HES5: variants seen among roughly 807,000 people sequenced by gnomAD.
HES5 encodes transcription factor HES-5.
Under a neutral mutation model 9.6 loss-of-function variants are expected in HES5, and 12 were observed. The ratio of observed to expected loss-of-function variants is 1.25; its 90% CI spans 0.80 to 2.03. HES5 has a LOEUF of 2.03. Among genes scored for constraint, HES5 ranks in the 30% most tolerant of loss-of-function variants. The pLI is 0.00. For synonymous variants in HES5, 131 were observed against 102.4 expected, an observed-to-expected ratio of 1.28 and a Z score of -1.69; for missense variants, 255 against 218.6, an observed-to-expected ratio of 1.17 and a Z score of -1.05.
At chr1:2,530,067 C>G (rs751389293) in intron 1 of HES5, 44 bp downstream of exon 1, 1 of 1,599,294 alleles carries the variant, frequency 6.3e-7, no homozygotes, top group African/African-American at 1.3e-5. Context: ...CCCCCGAGGA[C>G]CGGAGGCCGC....
chr1:2,530,007 C>T lies in HES5; in HGVS notation c.59G>A (p.Arg20Gln), dbSNP rs753373048. Residue 20 changes from arginine to glutamine, a missense_variant, in exon 2 of 3, where the codon CGG becomes CAG. Transcript: ENST00000378453. ...LLSPKEKNRLRKPVVEKMRRD... is the reference protein window; with the variant it reads ...LLSPKEKNRLQKPVVEKMRRD... ...GCGCATCTTCTCCACCACCGGCTTC[C>T]GCAGCTGCGGGAGGAGGGGGTGTCA... 1.9e-6 allele frequency: 3 copies of T among 1,602,532 alleles called. No individual in the cohort carries two copies. The highest frequency in any genetic ancestry group is 2.6e-6 in the Non-Finnish European group (3 of 1,173,346).
At position 2,529,846 on chromosome 1, in the gene HES5, C is replaced by T. The variant is rs1021201777; in HGVS notation, c.220G>A (p.Ala74Thr). The T allele has an allele frequency of 7.6e-5, 119 of 1,562,294 alleles. No homozygotes were observed. Among genetic ancestry groups the T allele is most frequent in the Non-Finnish European group, 9.9e-5 (114 of 1,152,256 alleles). ...GCGCGGGGGGCCCGGGCGCGCTCAC[C>T]TTTGCTGTGCTTCAGGTAGCTGACA... ...MAVSYLKHSK[A>T]FVAAAGPKSL... The change falls in exon 2 of 3, where the codon GCC becomes ACC. Residue 74 changes from alanine to threonine, a missense_variant and splice_region_variant. Ala to Thr is a moderately conservative substitution (Grantham distance 58, BLOSUM62 0). Coordinates refer to ENST00000378453, the MANE Select transcript of HES5 (RefSeq NM_001010926.4). The surrounding 1 kb of genome is among the most constrained non-coding windows in gnomAD (Gnocchi z 4.5).
Position 2,529,839 on chromosome 1 carries a change from C to A in HES5, c.220+7G>T. ...ACTCGGGGCGCGGGGGGCCCGGGCG[C>A]GCTCACCTTTGCTGTGCTTCAGGTA... On this transcript the variant is annotated splice_region_variant and intron_variant, in intron 2 of 2. Coordinates refer to ENST00000378453, the MANE Select transcript of HES5 (RefSeq NM_001010926.4). The surrounding 1 kb of genome is among the most constrained non-coding windows in gnomAD (Gnocchi z 4.5). The A allele has an allele frequency of 6.8e-7, 1 of 1,462,046 alleles. No homozygotes were observed. The highest frequency in any genetic ancestry group is 9.1e-7 in the Non-Finnish European group (1 of 1,094,194). 90.6% of individuals were successfully genotyped at this position (1,462,046 alleles called of 1,614,324 possible). A position where few individuals can be genotyped will look rare whatever the true frequency, so the allele number is the denominator to read the frequency against.
rs946468238 is a variant in HES5 at position 2,529,691 on chromosome 1, C to T, written c.279G>A (p.Ser93=). 5.3e-6 allele frequency: 7 copies of T among 1,308,962 alleles called. No individual in the cohort carries two copies. The highest frequency in any genetic ancestry group is 4.6e-5 in the African/African-American group (3 of 64,528). 81.1% of individuals were successfully genotyped at this position (1,308,962 alleles called of 1,614,324 possible). A position where few individuals can be genotyped will look rare whatever the true frequency, so the allele number is the denominator to read the frequency against. The part of the protein sequence containing the change: ...SLHQDYSEGY[S]WCLQEAVQFL... ...ACTGCACGGCCTCCTGCAGGCACCA[C>T]GAGTAGCCTTCGCTGTAGTCCTGGT... is the stretch of plus-strand genomic sequence containing the variant. Residue 93 remains serine, a synonymous_variant, in exon 3 of 3, where the codon TCG becomes TCA. Transcript: ENST00000378453. This position sits in a 1 kb window ranked among gnomAD's most constrained non-coding sequence, Gnocchi z 4.5.
chr1:2,529,985 C>T lies in HES5; in HGVS notation c.81G>A (p.Met27Ile). ...TGCTGCTGTTGATGCGGTCGCGGCGCATCTTCTCCACCACCGGCTTCCGCA... is the reference window on the plus strand; with the variant it reads ...TGCTGCTGTTGATGCGGTCGCGGCGTATCTTCTCCACCACCGGCTTCCGCA... ...NRLRKPVVEK[M>I]RRDRINSSIE... Residue 27 changes from methionine to isoleucine, a missense_variant, in exon 2 of 3, where the codon ATG becomes ATA. Transcript: ENST00000378453. The surrounding 1 kb of genome is among the most constrained non-coding windows in gnomAD (Gnocchi z 4.5). 2 of 1,607,688 alleles carry T rather than the reference C, an allele frequency of 1.2e-6. No homozygotes were observed. The highest frequency in any genetic ancestry group is 1.7e-6 in the Non-Finnish European group (2 of 1,176,752).
Position 2,529,610 on chromosome 1 carries a change from C to G in HES5, c.360G>C (p.Gln120His). Residue 120 changes from glutamine (Q) to histidine (H), a missense_variant, in exon 3 of 3, where the codon CAG becomes CAC. Gln to His is a conservative substitution (Grantham distance 24, BLOSUM62 0). Transcript: ENST00000378453. The surrounding 1 kb of genome is among the most constrained non-coding windows in gnomAD (Gnocchi z 4.5). ...DTQMKLLYHF[Q>H]RPPAAPAAPA... ...GCGCGGCGGGCGCGGCCGGGGGCCGCTGGAAGTGGTACAGCAGCTTCATCT... is the reference window on the plus strand; with the variant it reads ...GCGCGGCGGGCGCGGCCGGGGGCCGGTGGAAGTGGTACAGCAGCTTCATCT... 1.6e-6 allele frequency: 2 copies of G among 1,246,548 alleles called. No homozygotes were observed. The highest frequency in any genetic ancestry group is 2.5e-5 in the South Asian group (1 of 40,528). The allele number at this position is 1,246,548 out of a possible 1,614,324, so 77.2% of individuals were successfully genotyped here. A position where few individuals can be genotyped will look rare whatever the true frequency, so the allele number is the denominator to read the frequency against.
At chr1:2,530,057 C>T (rs1210732110) in intron 1 of HES5, 46 bp from the exon 2 acceptor site, 2 of 1,599,664 alleles carry the variant, frequency 1.3e-6, no homozygotes, top group Non-Finnish European at 1.7e-6. Flanking sequence ...GGCGCAGGGA[C>T]CCCCGAGGAC....
chr1:2,529,956 T>C lies in HES5; in HGVS notation c.110A>G (p.Glu37Gly). The change falls in exon 2 of 3, where the codon GAG (glutamate) becomes GGG (glycine). Residue 37 changes from glutamate (E) to glycine (G), a missense_variant. By Grantham distance (98) the Glu-to-Gly change is moderately conservative (BLOSUM62 -2). Transcript: ENST00000378453. The surrounding 1 kb of genome is among the most constrained non-coding windows in gnomAD (Gnocchi z 4.5). ...CTGCTCCAGCAGCAGCTTCAGCTGC[T>C]CGATGCTGCTGTTGATGCGGTCGCG... is the stretch of plus-strand genomic sequence containing the variant. ...MRRDRINSSI[E>G]QLKLLLEQEF... 6.2e-7 allele frequency: 1 copy of C among 1,609,926 alleles called. No individual in the cohort carries two copies. The highest frequency in any genetic ancestry group is 1.1e-5 in the South Asian group (1 of 90,624).
Position 2,529,591 on chromosome 1 carries a change from CG to C in HES5, c.378del (p.Ala127ProfsTer128). The stretch of plus-strand genomic sequence containing the variant: ...GCCTTGGGCTCCTTGGCGGGCGCGG[CG>C]GGCGCGGCCGGGGGCCGCTGGAAGT... ...LYHFQRPPAA[P>X]AAPAKEPKAP... is the part of the protein sequence containing the mutation. On this transcript the variant is annotated frameshift_variant, in exon 3 of 3. Transcript: ENST00000378453. LOFTEE classifies it low-confidence loss of function (END_TRUNC). This position sits in a 1 kb window ranked among gnomAD's most constrained non-coding sequence, Gnocchi z 4.5. 1 of 1,170,570 alleles carries C rather than the reference CG, an allele frequency of 8.5e-7. No homozygotes were observed. The highest frequency in any genetic ancestry group is 3.5e-5 in the South Asian group (1 of 28,630). The allele number at this position is 1,170,570 out of a possible 1,614,324, so 72.5% of individuals were successfully genotyped here. A position where few individuals can be genotyped will look rare whatever the true frequency, so the allele number is the denominator to read the frequency against.
rs1188864256 is a variant in HES5 at position 2,529,616 on chromosome 1, G to A, written c.354C>T (p.His118=). ...ASDTQMKLLY[H]FQRPPAAPAA... ...CGGGCGCGGCCGGGGGCCGCTGGAA[G>A]TGGTACAGCAGCTTCATCTGCGTGT... The change falls in exon 3 of 3, where the codon CAC becomes CAT. Residue 118 remains histidine (H), a synonymous_variant. Coordinates refer to ENST00000378453, the MANE Select transcript of HES5 (RefSeq NM_001010926.4). The surrounding 1 kb of genome is among the most constrained non-coding windows in gnomAD (Gnocchi z 4.5). The A allele has an allele frequency of 3.2e-6, 4 of 1,264,650 alleles. No individual in the cohort carries two copies. In the African/African-American group the frequency reaches 4.7e-5, roughly 15 times the overall value. The allele number at this position is 1,264,650 out of a possible 1,614,324, so 78.3% of individuals were successfully genotyped here. A position where few individuals can be genotyped will look rare whatever the true frequency, so the allele number is the denominator to read the frequency against.
rs926290877 is a variant in HES5 at position 2,529,709 on chromosome 1, G to C, written c.261C>G (p.Asp87Glu). ...GGCACCACGAGTAGCCTTCGCTGTA[G>C]TCCTGGTGCAGGCTCTTGGGGCCGG... Reference protein sequence around the residue: ...AAAGPKSLHQDYSEGYSWCLQ... With the variant: ...AAAGPKSLHQEYSEGYSWCLQ... Residue 87 changes from aspartate (D) to glutamate (E), a missense_variant, in exon 3 of 3, where the codon GAC becomes GAG. Coordinates refer to ENST00000378453, the MANE Select transcript of HES5 (RefSeq NM_001010926.4). This position sits in a 1 kb window ranked among gnomAD's most constrained non-coding sequence, Gnocchi z 4.5. 1 of 1,282,452 alleles carries C rather than the reference G, an allele frequency of 7.8e-7. No homozygotes were observed. The highest frequency in any genetic ancestry group is 1.0e-6 in the Non-Finnish European group (1 of 1,002,202). 79.4% of individuals were successfully genotyped at this position (1,282,452 alleles called of 1,614,324 possible).
rs1643988809 is a variant in HES5, at chr1:2,530,173, C to T, written c.-9G>A. The T allele has an allele frequency of 6.7e-7, 1 of 1,490,200 alleles. No individual in the cohort carries two copies. Among genetic ancestry groups the T allele is most frequent in the Non-Finnish European group, 9.0e-7 (1 of 1,116,294 alleles). 92.3% of individuals were successfully genotyped at this position (1,490,200 alleles called of 1,614,324 possible). On this transcript the variant is annotated 5_prime_UTR_variant, in exon 1 of 3. Coordinates refer to ENST00000378453, the MANE Select transcript of HES5 (RefSeq NM_001010926.4). ...ACAGTGCTGGGGGCCATGCCTGGCG[C>T]GGAACAGGCGACGAGGCGACGCGGG...
rs748968243 is a variant in HES5, at chr1:2,529,753, C to T, written c.221-4G>A. 1 of 1,234,622 alleles carries T rather than the reference C, an allele frequency of 8.1e-7. No homozygotes were observed. The highest frequency in any genetic ancestry group is 1.0e-6 in the Non-Finnish European group (1 of 982,852). 76.5% of individuals were successfully genotyped at this position (1,234,622 alleles called of 1,614,324 possible). ...GGGCCGGCGGCGGCGACGAAGGCTG[C>T]GGGGAGACGCGGCGGCGGTGAGCGG... On this transcript the variant is annotated splice_region_variant and splice_polypyrimidine_tract_variant and intron_variant, in intron 2 of 2. Transcript: ENST00000378453. This position sits in a 1 kb window ranked among gnomAD's most constrained non-coding sequence, Gnocchi z 4.5.
Position 2,530,255 on chromosome 1 carries a change from G to A in HES5, c.-91C>T, listed in dbSNP as rs1557457680. 4 of 1,164,594 alleles carry A rather than the reference G, an allele frequency of 3.4e-6. No homozygotes were observed. The highest frequency in any genetic ancestry group is 3.3e-5 in the East Asian group (1 of 30,386). The allele number at this position is 1,164,594 out of a possible 1,614,324, so 72.1% of individuals were successfully genotyped here. ...GGCAAGGCCAAGCGCGTCCCGGGCT[G>A]GCGCGGACACCGGCCCCGCGCGCCG... On this transcript the variant is annotated 5_prime_UTR_variant, in exon 1 of 3. Transcript: ENST00000378453.
At position 2,530,131 on chromosome 1, in the gene HES5, T is replaced by C; in HGVS notation, c.34A>G (p.Ser12Gly). The C allele has an allele frequency of 3.9e-6, 6 of 1,554,336 alleles. No individual in the cohort carries two copies. The highest frequency in any genetic ancestry group is 3.5e-6 in the Non-Finnish European group (4 of 1,150,000). The change falls in exon 1 of 3, where the codon AGC becomes GGC. Residue 12 changes from serine to glycine, a missense_variant. Coordinates refer to ENST00000378453, the MANE Select transcript of HES5 (RefSeq NM_001010926.4). ...CTTACTCGGTTTTTCTCTTTGGGGC[T>C]GAGCAGCTCCACGGCCACAGTGCTG... Reference protein sequence around the residue: ...APSTVAVELLSPKEKNRLRKP... With the variant: ...APSTVAVELLGPKEKNRLRKP...
rs765607324 is a variant in HES5, at chr1:2,529,592, G to A, written c.378C>T (p.Pro126=). The A allele has an allele frequency of 5.1e-6, 6 of 1,179,114 alleles. No homozygotes were observed. The highest frequency in any genetic ancestry group is 4.9e-5 in the African/African-American group (3 of 61,356). 73.0% of individuals were successfully genotyped at this position (1,179,114 alleles called of 1,614,324 possible). ...CCTTGGGCTCCTTGGCGGGCGCGGCGGGCGCGGCCGGGGGCCGCTGGAAGT... is the reference window on the plus strand; with the variant it reads ...CCTTGGGCTCCTTGGCGGGCGCGGCAGGCGCGGCCGGGGGCCGCTGGAAGT... The part of the protein sequence containing the change: ...LYHFQRPPAA[P]AAPAKEPKAP... Residue 126 remains proline (P), a synonymous_variant, in exon 3 of 3, where the codon CCC becomes CCT. Coordinates refer to ENST00000378453, the MANE Select transcript of HES5 (RefSeq NM_001010926.4). This position sits in a 1 kb window ranked among gnomAD's most constrained non-coding sequence, Gnocchi z 4.5.
chr1:2,530,081 G>A (rs1033410079), intron 1 of HES5, 30 bp downstream of exon 1: 5 of 1,595,610 alleles, frequency 3.1e-6, no homozygotes, highest in Non-Finnish European at 4.3e-6. Context: ...AGGCCGCGGG[G>A]ACAGCGCGCC....
Position 2,529,818 on chromosome 1 carries a change from G to C in HES5, c.220+28C>G. ...GGGAGCCGGGGCGCGGTGGGAACTC[G>C]GGGCGCGGGGGGCCCGGGCGCGCTC... On this transcript the variant is annotated intron_variant, in intron 2 of 2. Transcript: ENST00000378453. This position sits in a 1 kb window ranked among gnomAD's most constrained non-coding sequence, Gnocchi z 4.5. The C allele has an allele frequency of 1.5e-6, 2 of 1,372,818 alleles. No homozygotes were observed. Among genetic ancestry groups the C allele is most frequent in the Non-Finnish European group, 1.9e-6 (2 of 1,047,376 alleles). 85.0% of individuals were successfully genotyped at this position (1,372,818 alleles called of 1,614,324 possible). A position where few individuals can be genotyped will look rare whatever the true frequency, so the allele number is the denominator to read the frequency against.
Position 2,528,922 on chromosome 1 carries a change from G to A in HES5, c.*547C>T, listed in dbSNP as rs913587009. The A allele has an allele frequency of 7.9e-5, 12 of 152,610 alleles. No individual in the cohort carries two copies. The highest frequency in any genetic ancestry group is 2.9e-4 in the African/African-American group (12 of 41,444). 9.5% of individuals were successfully genotyped at this position (152,610 alleles called of 1,614,324 possible). A position where few individuals can be genotyped will look rare whatever the true frequency, so the allele number is the denominator to read the frequency against. On this transcript the variant is annotated 3_prime_UTR_variant, in exon 3 of 3. Coordinates refer to ENST00000378453, the MANE Select transcript of HES5 (RefSeq NM_001010926.4). Reference sequence around the variant, plus strand: ...ACCCTCCCCAGACAGCCCACCGTGAGCCCCAGCCAGACCACCAGGCACACT... The same window carrying A: ...ACCCTCCCCAGACAGCCCACCGTGAACCCCAGCCAGACCACCAGGCACACT...
Sources: allele counts gnomAD v4.1 joint callset, GRCh38; gene constraint gnomAD v4.1.1; non-coding constraint Gnocchi (gnomAD v3.1); transcripts MANE v1.5; gene names NCBI Gene and HGNC (gene_info 2026-07-23, HGNC 2026-07-21).